Variants in MROH2A observed in about 807,000 individuals in gnomAD.
MROH2A encodes maestro heat-like repeat-containing protein family member 2A.
MROH2A carries 174 observed loss-of-function variants against 200.4 expected under a neutral mutation model. The ratio of observed to expected loss-of-function variants is 0.87; its 90% CI spans 0.77 to 0.98. The LOEUF (loss-of-function observed/expected upper bound fraction) is 0.98, where lower values mean the gene tolerates loss of function less well. MROH2A is among the 50% of genes least tolerant of loss of function. MROH2A has a pLI of 0.00. For missense variants in MROH2A, 2,045 were observed against 2,139.6 expected, an observed-to-expected ratio of 0.96 and a Z score of 0.87; for synonymous variants, 829 against 840.4, an observed-to-expected ratio of 0.99 and a Z score of 0.23.
intron 37 of MROH2A, 36 bp from the exon 38 acceptor site, chr2:233,829,584 T>C: frequency 7.3e-7 from 1 of 1,361,272 alleles, no homozygotes; most frequent in Non-Finnish European, 9.5e-7. Flanking sequence ...GGCTTCCTGC[T>C]GCCTGCATGT....
At chr2:233,831,365 C>T (rs1704735728) in intron 38 of MROH2A, 44 bp from the exon 39 acceptor site, 9 of 1,515,398 alleles carry the variant, frequency 5.9e-6, no homozygotes, top group East Asian at 2.5e-5. Flanking sequence ...TGGGGAACCA[C>T]GTGGCCTGGC....
intron 12 of MROH2A, 107 bp from the exon 13 acceptor site, chr2:233,799,673 C>A: frequency 7.2e-7 from 1 of 1,389,244 alleles, no homozygotes; most frequent in Non-Finnish European, 9.8e-7. Flanking sequence ...GTCCCTGAGG[C>A]CCCTTCTAGC....
chr2:233,795,708 T>G lies in MROH2A; in HGVS notation c.1022T>G (p.Met341Arg). ...SVTTNTPVPQ[M>R]QLHTIFTELH... ...ACCACCAACACCCCTGTCCCCCAAA[T>G]GCAGCTACACACCATTTTCACAGAA... Residue 341 changes from methionine to arginine, a missense_variant, in exon 9 of 42, where the codon ATG becomes AGG. Transcript: ENST00000389758. 6.4e-7 allele frequency: 1 copy of G among 1,551,118 alleles called. No individual in the cohort carries two copies. The highest frequency in any genetic ancestry group is 2.4e-5 in the East Asian group (1 of 40,910).
At chr2:233,809,878 T>C (rs11674078) in intron 22 of MROH2A, among the ~76,000 whole-genome samples, 27,472 of 150,032 alleles carry the variant, frequency 0.18, 2,668 homozygotes, top group Non-Finnish European at 0.21. Context: ...AAAACCAAAA[T>C]CCTATATCCA....
At chr2:233,811,985 C>T in intron 24 of MROH2A, 26 bp downstream of exon 24, 1 of 1,492,608 alleles carries the variant, frequency 6.7e-7, no homozygotes, top group Non-Finnish European at 9.1e-7. Flanking sequence ...ACCCTCACCC[C>T]ATCCCAAGGG....
chr2:233,798,885 CAG>C (rs764931637), intron 12 of MROH2A, 35 bp downstream of exon 12: 9 of 1,510,538 alleles, frequency 6.0e-6, no homozygotes, highest in Admixed American at 5.9e-5. Context: ...GGGGGGCACT[CAG>C]GGGACCCTGC....
rs111750911 is a variant in MROH2A, at chr2:233,783,735, G to A, written c.276+3883G>A. On this transcript the variant is annotated intron_variant, in intron 3 of 41. Coordinates refer to ENST00000389758, the MANE Select transcript of MROH2A (RefSeq NM_001394639.1). Reference sequence around the variant, plus strand: ...TAATTTTTGTATTTTTGGTAGAGACGGGCCATGTTGGCCAGGCTGGTCTCA... The same window carrying A: ...TAATTTTTGTATTTTTGGTAGAGACAGGCCATGTTGGCCAGGCTGGTCTCA... 8.8e-3 allele frequency among the ~76,000 whole-genome samples: 1,344 copies of A among 152,030 alleles called. 12 individuals carry two copies. Among genetic ancestry groups the A allele is most frequent in the African/African-American group, 0.018 (748 of 41,468 alleles).
chr2:233,794,851 A>G (rs1458490712), intron 8 of MROH2A, among the ~76,000 whole-genome samples: 1 of 152,220 alleles, frequency 6.6e-6, no homozygotes, highest in African/African-American at 2.4e-5. Context: ...CCTGGAGGTC[A>G]GGAGTCCAAA....
At chr2:233,822,845 C>A (rs1460479203) in intron 33 of MROH2A, 36 bp from the exon 34 acceptor site, 6 of 1,547,056 alleles carry the variant, frequency 3.9e-6, no homozygotes, top group Non-Finnish European at 5.2e-6. Flanking sequence ...GCGCTCCCAG[C>A]AGGGCAGCGC....
intron 15 of MROH2A, 112 bp from the exon 16 acceptor site, chr2:233,803,336 A>G: frequency 8.7e-7 from 1 of 1,149,286 alleles, no homozygotes; most frequent in South Asian, 1.4e-5. Flanking sequence ...TTTGGGGAAC[A>G]AGATCATGTT....
chr2:233,804,158 G>A lies in MROH2A; in HGVS notation c.1857G>A (p.Glu619=). ...SIAPSMADMW[E]LEIALLVRYL... The stretch of plus-strand genomic sequence containing the variant: ...CACCCTCCATGGCCGACATGTGGGA[G>A]CTGGAGATTGCGCTACTGGTCCGGT... The change falls in exon 17 of 42, where the codon GAG becomes GAA. Residue 619 remains glutamate (E), a synonymous_variant. Transcript: ENST00000389758. 3 of 1,550,588 alleles carry A rather than the reference G, an allele frequency of 1.9e-6. No individual in the cohort carries two copies. Among genetic ancestry groups the A allele is most frequent in the Non-Finnish European group, 2.6e-6 (3 of 1,146,998 alleles).
chr2:233,798,357 G>A (rs1370352619), intron 11 of MROH2A, among the ~76,000 whole-genome samples: 1 of 152,186 alleles, frequency 6.6e-6, no homozygotes, highest in Non-Finnish European at 1.5e-5. Flanking sequence ...ACGTCCCACA[G>A]CTGGGATGTG....
Position 233,798,781 on chromosome 2 carries a change from G to A in MROH2A, c.1260G>A (p.Arg420=). 1.3e-6 allele frequency: 2 copies of A among 1,550,304 alleles called. No individual in the cohort carries two copies. The highest frequency in any genetic ancestry group is 1.7e-6 in the Non-Finnish European group (2 of 1,146,778). ...IRAIVSADEP[R]MSIRAIYLAI... Reference sequence around the variant, plus strand: ...CCAGTTTTCCTCTTTCAGAGCCCAGGATGAGTATCAGGGCCATCTACCTGG... The same window carrying A: ...CCAGTTTTCCTCTTTCAGAGCCCAGAATGAGTATCAGGGCCATCTACCTGG... The change falls in exon 12 of 42, where the codon AGG becomes AGA. Residue 420 remains arginine (R), a synonymous_variant. Coordinates refer to ENST00000389758, the MANE Select transcript of MROH2A (RefSeq NM_001394639.1).
At position 233,793,835 on chromosome 2, in the gene MROH2A, C is replaced by A; in HGVS notation, c.822+11C>A. 1 of 1,398,620 alleles carries A rather than the reference C, an allele frequency of 7.1e-7. No homozygotes were observed. The highest frequency in any genetic ancestry group is 9.3e-7 in the Non-Finnish European group (1 of 1,072,012). 86.6% of individuals were successfully genotyped at this position (1,398,620 alleles called of 1,614,324 possible). Reference sequence around the variant, plus strand: ...CACTACAACCCCGAGGTGAGATGCACCCCTCTTAGGAGGGCCTGGTGGTCC... The same window carrying A: ...CACTACAACCCCGAGGTGAGATGCAACCCTCTTAGGAGGGCCTGGTGGTCC... On this transcript the variant is annotated intron_variant, in intron 7 of 41. Coordinates refer to ENST00000389758, the MANE Select transcript of MROH2A (RefSeq NM_001394639.1).
rs1165985793 is a variant in MROH2A at position 233,828,256 on chromosome 2, A to T, written c.4114-374A>T. On this transcript the variant is annotated intron_variant, in intron 35 of 41. Transcript: ENST00000389758. This position sits in a 1 kb window ranked among gnomAD's most constrained non-coding sequence, Gnocchi z 4.6. ...ATACCAGTGAGGTTTTGGCACTCAG[A>T]ATACTAGGCCATTAGTAATTCTCCT... Among the ~76,000 whole-genome samples, 3 of 152,204 alleles carry T rather than the reference A, an allele frequency of 2.0e-5. No homozygotes were observed. The highest frequency in any genetic ancestry group is 4.8e-5 in the African/African-American group (2 of 41,444).
Position 233,800,186 on chromosome 2 carries a change from C to G in MROH2A, c.1450-19C>G. On this transcript the variant is annotated intron_variant, in intron 13 of 41. Coordinates refer to ENST00000389758, the MANE Select transcript of MROH2A (RefSeq NM_001394639.1). ...CTCTGCTAGGCCACAGGTGGGAATC[C>G]CTTGGTTCTTTCTTCCAGACAAATC... The G allele has an allele frequency of 6.6e-7, 1 of 1,519,566 alleles. No homozygotes were observed. The highest frequency in any genetic ancestry group is 8.9e-7 in the Non-Finnish European group (1 of 1,123,550). 94.1% of individuals were successfully genotyped at this position (1,519,566 alleles called of 1,614,324 possible).
At chr2:233,782,873 G>T (rs1444214745) in intron 3 of MROH2A, among the ~76,000 whole-genome samples, 1 of 152,074 alleles carries the variant, frequency 6.6e-6, no homozygotes, top group South Asian at 2.1e-4. Context: ...TTTTATTATC[G>T]TGAGGTATGC....
intron 12 of MROH2A, 120 bp downstream of exon 12, chr2:233,798,970 C>A: frequency 2.6e-6 from 2 of 774,068 alleles, no homozygotes; most frequent in South Asian, 3.1e-5. Context: ...TCCATCGGGT[C>A]TCGACTGGGG....
chr2:233,832,291 G>C lies in MROH2A; in HGVS notation c.4837+12G>C. 1.3e-6 allele frequency: 2 copies of C among 1,548,076 alleles called. No individual in the cohort carries two copies. The highest frequency in any genetic ancestry group is 4.9e-5 in the East Asian group (2 of 40,916). On this transcript the variant is annotated intron_variant, in intron 40 of 41. Coordinates refer to ENST00000389758, the MANE Select transcript of MROH2A (RefSeq NM_001394639.1). ...TTGCAACTTGGCAGGTGAGCAGAGA[G>C]ACGTCTCCTGACTCAAGATAGACTT...
Sources: gnomAD v4.1 joint callset for allele counts (sites outside exome capture counted in the v4.1 genomes callset) on GRCh38, gnomAD v4.1.1 for gene constraint, Gnocchi (gnomAD v3.1) non-coding constraint, MANE v1.5 for transcripts, NCBI Gene and HGNC (gene_info 2026-07-23, HGNC 2026-07-21) for gene names.